The following SORCS2 variants were observed in gnomAD, a reference collection of about 807,000 sequenced individuals.
SORCS2 encodes the protein sortilin related VPS10 domain containing receptor 2.
Under a neutral mutation model 141.6 loss-of-function variants are expected in SORCS2, and 100 were observed. That is an observed-to-expected ratio of 0.71 (90% CI 0.60 to 0.83). The LOEUF is 0.83. Among genes scored for constraint, SORCS2 ranks in the 40% least tolerant of loss-of-function variants. The probability of loss-of-function intolerance (pLI) is 0.00; values close to 1 mark genes in which losing one functional copy is unlikely to be tolerated. For missense variants in SORCS2, 1,646 were observed against 1,560.2 expected (o/e 1.05, Z -0.93); for synonymous variants, 789 against 676.9 (o/e 1.17, Z -2.57).
intron 2 of SORCS2, among the ~76,000 whole-genome samples, chr4:7,399,874 G>A (rs1332088931): frequency 6.6e-6 from 1 of 152,182 alleles, no homozygotes; most frequent in African/African-American, 2.4e-5. Flanking sequence ...TTCCCCGGGA[G>A]AGGATCTGGT....
chr4:7,420,896 C>A (rs919995484), intron 2 of SORCS2, among the ~76,000 whole-genome samples: 2 of 152,172 alleles, frequency 1.3e-5, no homozygotes, highest in African/African-American at 4.8e-5. Flanking sequence ...CGGAGCCTCT[C>A]GCTTGCCTCC....
intron 3 of SORCS2, among the ~76,000 whole-genome samples, chr4:7,572,470 A>T (rs552391875): frequency 6.6e-6 from 1 of 152,322 alleles, no homozygotes; most frequent in Admixed American, 6.5e-5. Context: ...ATATTAAGGC[A>T]TATTAGTGAG....
chr4:7,616,238 G>C lies in SORCS2; in HGVS notation c.649-22090G>C, dbSNP rs536978576. On this transcript the variant is annotated intron_variant, in intron 3 of 26. Coordinates refer to ENST00000507866, the MANE Select transcript of SORCS2 (RefSeq NM_020777.3). ...AGGCTTCTTTGATCCTCCCACTCCT[G>C]GCTGAAAAAGGTGCCTCCTCTGAGT... is the stretch of plus-strand genomic sequence containing the variant. 5.9e-5 allele frequency among the ~76,000 whole-genome samples: 9 copies of C among 152,096 alleles called. No homozygotes were observed. In the South Asian group the frequency reaches 1.7e-3, roughly 28 times the overall value.
chr4:7,387,627 G>GCA (rs147471470), intron 1 of SORCS2, among the ~76,000 whole-genome samples: 14,786 of 91,228 alleles, frequency 0.16, 1,210 homozygotes, highest in East Asian at 0.47. Context: ...ATACACATTT[G>GCA]CACACACGCA....
chr4:7,365,781 C>T (rs1039290326), intron 1 of SORCS2, among the ~76,000 whole-genome samples: 6 of 152,162 alleles, frequency 3.9e-5, no homozygotes, highest in Admixed American at 6.5e-5. Context: ...ATAAACAACA[C>T]GTGTGTCATT....
chr4:7,454,493 A>T (rs1728727057), intron 2 of SORCS2, among the ~76,000 whole-genome samples: 1 of 105,738 alleles, frequency 9.5e-6, no homozygotes. Context: ...TGTTGGGGTC[A>T]GGTGCTGTGT....
Position 7,704,303 on chromosome 4 carries a change from G to A in SORCS2, c.1868+19G>A. The stretch of plus-strand genomic sequence containing the variant: ...TCATGACGTGAGTGCGGGGACCGGG[G>A]AGTGGGCACTGGTGGCAGGGCAGAG... On this transcript the variant is annotated intron_variant, in intron 14 of 26. Coordinates refer to ENST00000507866, the MANE Select transcript of SORCS2 (RefSeq NM_020777.3). 1.9e-6 allele frequency: 3 copies of A among 1,592,340 alleles called. No individual in the cohort carries two copies. Among genetic ancestry groups the A allele is most frequent in the East Asian group, 2.3e-5 (1 of 44,068 alleles).
intron 14 of SORCS2, among the ~76,000 whole-genome samples, chr4:7,708,098 T>G (rs1371652189): frequency 6.6e-6 from 1 of 152,216 alleles, no homozygotes; most frequent in African/African-American, 2.4e-5. Context: ...GACATTTCCC[T>G]TCCAGAGACC....
chr4:7,676,151 C>T lies in SORCS2; in HGVS notation c.1263C>T (p.Gly421=), dbSNP rs747441895. The T allele has an allele frequency of 2.3e-5, 36 of 1,564,934 alleles. No homozygotes were observed. Among genetic ancestry groups the T allele is most frequent in the South Asian group, 8.2e-5 (7 of 85,006 alleles). ...TYNLYQSDPR[G]VRYALVLQDV... Reference sequence around the variant, plus strand: ...ACCTGTACCAGTCGGACCCACGGGGCGTGCGCTACGCGCTGGTGCTGCAGG... The same window carrying T: ...ACCTGTACCAGTCGGACCCACGGGGTGTGCGCTACGCGCTGGTGCTGCAGG... The change falls in exon 9 of 27, where the codon GGC becomes GGT. Residue 421 remains glycine (G), a synonymous_variant. Coordinates refer to ENST00000507866, the MANE Select transcript of SORCS2 (RefSeq NM_020777.3).
At chr4:7,535,779 A>G (rs920485294) in intron 3 of SORCS2, among the ~76,000 whole-genome samples, 2 of 152,066 alleles carry the variant, frequency 1.3e-5, no homozygotes, top group Admixed American at 1.3e-4. Flanking sequence ...ACACATGGCC[A>G]TGGAACAGAG....
At chr4:7,307,166 G>A (rs867762233) in intron 1 of SORCS2, among the ~76,000 whole-genome samples, 2 of 152,154 alleles carry the variant, frequency 1.3e-5, no homozygotes, top group East Asian at 1.9e-4. Flanking sequence ...CAGCCTCATC[G>A]GCCCTCACAT....
intron 1 of SORCS2, among the ~76,000 whole-genome samples, chr4:7,206,605 T>A (rs1480113511): frequency 6.6e-6 from 1 of 152,134 alleles, no homozygotes; most frequent in East Asian, 1.9e-4. Flanking sequence ...GACAGATTTG[T>A]TTCTTGCCTG....
chr4:7,734,261 T>C lies in SORCS2; in HGVS notation c.3209-11T>C. ...CCCGAGGTCCTCCACTGACAACCGCTTTGCTTGCAGGTGCTGAGCAGCTGG... is the reference window on the plus strand; with the variant it reads ...CCCGAGGTCCTCCACTGACAACCGCCTTGCTTGCAGGTGCTGAGCAGCTGG... On this transcript the variant is annotated splice_polypyrimidine_tract_variant and intron_variant, in intron 24 of 26. Coordinates refer to ENST00000507866, the MANE Select transcript of SORCS2 (RefSeq NM_020777.3). The C allele has an allele frequency of 6.3e-7, 1 of 1,586,618 alleles. No individual in the cohort carries two copies. Among genetic ancestry groups the C allele is most frequent in the African/African-American group, 1.3e-5 (1 of 74,438 alleles).
chr4:7,258,358 C>T (rs1214035340), intron 1 of SORCS2, among the ~76,000 whole-genome samples: 2 of 152,148 alleles, frequency 1.3e-5, no homozygotes, highest in Non-Finnish European at 2.9e-5. Context: ...CATGTGTTCT[C>T]ATTGTTCAGC....
chr4:7,672,241 CA>C (rs1422206642), intron 8 of SORCS2, among the ~76,000 whole-genome samples: 1 of 152,096 alleles, frequency 6.6e-6, no homozygotes, highest in Non-Finnish European at 1.5e-5. Context: ...CCATGCCTGG[CA>C]AAAAGTCAGA....
At chr4:7,358,816 G>C (rs1169576589) in intron 1 of SORCS2, among the ~76,000 whole-genome samples, 3 of 152,184 alleles carry the variant, frequency 2.0e-5, no homozygotes, top group African/African-American at 7.2e-5. Context: ...TTAAGTTATA[G>C]GTTACCACTA....
At chr4:7,724,561 A>ATGGTGG (rs1402223607) in intron 19 of SORCS2, among the ~76,000 whole-genome samples, 1 of 106,244 alleles carries the variant, frequency 9.4e-6, no homozygotes, top group Non-Finnish European at 1.9e-5. Flanking sequence ...GTGGGAATGG[A>ATGGTGG]TGGTGGTGGT....
At chr4:7,606,652 G>T (rs2108802231) in intron 3 of SORCS2, among the ~76,000 whole-genome samples, 1 of 152,210 alleles carries the variant, frequency 6.6e-6, no homozygotes, top group African/African-American at 2.4e-5. Flanking sequence ...GTTTGGGTCT[G>T]CATTATCCTG....
chr4:7,554,422 C>T (rs1713953585), intron 3 of SORCS2, among the ~76,000 whole-genome samples: 1 of 152,152 alleles, frequency 6.6e-6, no homozygotes, highest in Non-Finnish European at 1.5e-5. Flanking sequence ...CCTTCCTCTT[C>T]CTGCTCCCAT....
Sources: allele counts gnomAD v4.1 joint callset (sites outside exome capture counted in the v4.1 genomes callset), GRCh38; gene constraint gnomAD v4.1.1; transcripts MANE v1.5; gene names NCBI Gene and HGNC (gene_info 2026-07-23, HGNC 2026-07-21).